The following L3MBTL4 variants were observed in gnomAD, a reference collection of about 807,000 sequenced individuals.
L3MBTL4 encodes L3MBTL histone methyl-lysine binding protein 4.
L3MBTL4 carries 70 observed loss-of-function variants against 84.5 expected under a neutral mutation model. That is an observed-to-expected ratio of 0.83 (90% CI 0.68 to 1.01). The LOEUF is 1.01. Among genes scored for constraint, L3MBTL4 ranks in the 50% least tolerant of loss-of-function variants. The probability of loss-of-function intolerance (pLI) is 0.00; values close to 1 mark genes in which losing one functional copy is unlikely to be tolerated. For missense variants in L3MBTL4, 715 were observed against 754.8 expected, an observed-to-expected ratio of 0.95 and a Z score of 0.62; for synonymous variants, 274 against 259.8, an observed-to-expected ratio of 1.05 and a Z score of -0.52.
chr18:6,318,945 G>C (rs1294844170), intron 1 of L3MBTL4, among the ~76,000 whole-genome samples: 1 of 152,040 alleles, frequency 6.6e-6, no homozygotes, highest in Non-Finnish European at 1.5e-5. Context: ...CAAGACCACA[G>C]TAGAATAAAA....
intron 12 of L3MBTL4, among the ~76,000 whole-genome samples, chr18:6,187,028 C>T (rs1241143844): frequency 6.6e-6 from 1 of 152,172 alleles, no homozygotes; most frequent in Admixed American, 6.5e-5. Flanking sequence ...AGGGACAGGA[C>T]GATGCCCAAG....
chr18:6,282,768 A>G (rs899331060), intron 4 of L3MBTL4, among the ~76,000 whole-genome samples: 2 of 152,190 alleles, frequency 1.3e-5, no homozygotes, highest in Admixed American at 1.3e-4. Flanking sequence ...ATTAGGGAGT[A>G]CCAAGAGCAG....
chr18:6,236,802 T>C (rs1321367233), intron 10 of L3MBTL4, among the ~76,000 whole-genome samples: 2 of 152,228 alleles, frequency 1.3e-5, no homozygotes, highest in Admixed American at 6.5e-5. Context: ...TTGGCTTCTT[T>C]ATTGTTTTTA....
At chr18:5,969,636 G>A (rs757164290) in intron 16 of L3MBTL4, 74 bp from the exon 17 acceptor site, 62 of 1,474,298 alleles carry the variant, frequency 4.2e-5, no homozygotes, top group Admixed American at 2.8e-4. Flanking sequence ...CCCGCAGTCC[G>A]GAGGGCCCAA....
chr18:6,101,125 T>C (rs1409398891), intron 14 of L3MBTL4, among the ~76,000 whole-genome samples: 1 of 152,214 alleles, frequency 6.6e-6, no homozygotes, highest in African/African-American at 2.4e-5. Context: ...ACACTGCCCC[T>C]TTGCTGGTCC....
At chr18:6,175,952 TC>T (rs2044208720) in intron 12 of L3MBTL4, among the ~76,000 whole-genome samples, 1 of 152,046 alleles carries the variant, frequency 6.6e-6, no homozygotes, top group South Asian at 2.1e-4. Flanking sequence ...TTTAAAAATT[TC>T]CTTTAGAATA....
chr18:6,229,980 T>A (rs937346213), intron 10 of L3MBTL4, among the ~76,000 whole-genome samples: 3 of 152,162 alleles, frequency 2.0e-5, no homozygotes, highest in Admixed American at 2.0e-4. Flanking sequence ...CAATATAAAT[T>A]TTAGGATGGA....
intron 1 of L3MBTL4, among the ~76,000 whole-genome samples, chr18:6,374,727 C>CATCTGGTAAGAAA (rs1431874409): frequency 6.6e-6 from 1 of 151,986 alleles, no homozygotes; most frequent in Non-Finnish European, 1.5e-5. Context: ...GAACCAGTCA[C>CATCTGGTAAGAAA]GCCCCGCCTC....
intron 13 of L3MBTL4, among the ~76,000 whole-genome samples, chr18:6,154,859 A>T (rs1485099171): frequency 6.6e-6 from 1 of 152,172 alleles, no homozygotes; most frequent in East Asian, 1.9e-4. Flanking sequence ...GATGAGAGGG[A>T]TTACATAAAA....
intron 5 of L3MBTL4, 37 bp downstream of exon 5, chr18:6,263,910 G>T: frequency 1.4e-6 from 2 of 1,385,644 alleles, no homozygotes; most frequent in Non-Finnish European, 1.0e-6. Flanking sequence ...CTTAAGTGTT[G>T]CTTCCTTGCA....
chr18:6,097,712 G>A (rs1274373322), intron 14 of L3MBTL4, among the ~76,000 whole-genome samples: 1 of 152,220 alleles, frequency 6.6e-6, no homozygotes, highest in Non-Finnish European at 1.5e-5. Flanking sequence ...GCCCTAGTCA[G>A]CCTTGTGGGC....
intron 14 of L3MBTL4, among the ~76,000 whole-genome samples, chr18:6,130,551 C>T (rs1323448769): frequency 6.6e-6 from 1 of 152,096 alleles, no homozygotes; most frequent in Non-Finnish European, 1.5e-5. Context: ...AGTTCTAGGG[C>T]AAGAGGCCTT....
At position 6,215,771 on chromosome 18, in the gene L3MBTL4, A is replaced by G; in HGVS notation, c.849T>C (p.Val283=). The G allele has an allele frequency of 6.2e-7, 1 of 1,605,690 alleles. No individual in the cohort carries two copies. Among genetic ancestry groups the G allele is most frequent in the Non-Finnish European group, 8.5e-7 (1 of 1,176,436 alleles). ...EYLEATQTNA[V]PAKVFKMRLP... is the part of the protein sequence containing the mutation. Reference sequence around the variant, plus strand: ...TTACCATTTTAAAAACTTTGGCAGGAACTGCATTGGTTTGAGTAGCTTCCA... The same window carrying G: ...TTACCATTTTAAAAACTTTGGCAGGGACTGCATTGGTTTGAGTAGCTTCCA... Residue 283 remains valine, a synonymous_variant, in exon 11 of 19, where the codon GTT becomes GTC. Coordinates refer to ENST00000317931, the MANE Select transcript of L3MBTL4 (RefSeq NM_001330559.2).
chr18:6,162,269 T>C (rs546251582), intron 13 of L3MBTL4, among the ~76,000 whole-genome samples: 1 of 152,300 alleles, frequency 6.6e-6, no homozygotes, highest in South Asian at 2.1e-4. Flanking sequence ...CCATGATCTC[T>C]AAGATCATTT....
chr18:5,996,055 A>C (rs2053949447), intron 16 of L3MBTL4, among the ~76,000 whole-genome samples: 1 of 152,096 alleles, frequency 6.6e-6, no homozygotes, highest in South Asian at 2.1e-4. Context: ...TTTTTGCATC[A>C]CTCTAGCATA....
intron 1 of L3MBTL4, among the ~76,000 whole-genome samples, chr18:6,345,714 G>A (rs556657930): frequency 6.6e-6 from 1 of 152,202 alleles, no homozygotes; most frequent in South Asian, 2.1e-4. Flanking sequence ...TTCACAGATT[G>A]TAAAAATTAA....
rs2055830568 is a variant in L3MBTL4 at position 6,032,044 on chromosome 18, C to T, written c.1444+48837G>A. Reference sequence around the variant, plus strand: ...CCAGGCTGGAGTGCAGTGGTGCAATCTCAGGTCAGTGTAATCTCTGCCTCC... The same window carrying T: ...CCAGGCTGGAGTGCAGTGGTGCAATTTCAGGTCAGTGTAATCTCTGCCTCC... On this transcript the variant is annotated intron_variant, in intron 16 of 18. Coordinates refer to ENST00000317931, the MANE Select transcript of L3MBTL4 (RefSeq NM_001330559.2). 3 of 197,190 alleles carry T rather than the reference C, an allele frequency of 1.5e-5. No homozygotes were observed. In the Admixed American group the frequency reaches 2.0e-4, roughly 13 times the overall value. 12.2% of individuals were successfully genotyped at this position (197,190 alleles called of 1,614,324 possible). A position where few individuals can be genotyped will look rare whatever the true frequency, so the allele number is the denominator to read the frequency against.
At chr18:6,040,083 G>C (rs1182343865) in intron 16 of L3MBTL4, among the ~76,000 whole-genome samples, 1 of 152,028 alleles carries the variant, frequency 6.6e-6, no homozygotes, top group Non-Finnish European at 1.5e-5. Context: ...ATTTCAAAAG[G>C]CCAGAAGAAT....
At chr18:5,972,582 G>A (rs186035536) in intron 16 of L3MBTL4, among the ~76,000 whole-genome samples, 6 of 152,296 alleles carry the variant, frequency 3.9e-5, no homozygotes, top group African/African-American at 4.8e-5. Flanking sequence ...TTAACACAAC[G>A]CAAGACTAAT....
Sources: allele counts gnomAD v4.1 joint callset (sites outside exome capture counted in the v4.1 genomes callset), GRCh38; gene constraint gnomAD v4.1.1; transcripts MANE v1.5; gene names NCBI Gene and HGNC (gene_info 2026-07-23, HGNC 2026-07-21).